The following SMYD4 variants were observed in gnomAD, a reference collection of about 807,000 sequenced individuals.
SMYD4 encodes protein-lysine N-methyltransferase SMYD4.
SMYD4 carries 68 observed loss-of-function variants against 72.8 expected under a neutral mutation model. That is an observed-to-expected ratio of 0.93 (90% confidence interval 0.77 to 1.14). The LOEUF (loss-of-function observed/expected upper bound fraction) is 1.14. Ranked by LOEUF, SMYD4 falls within the 50% of genes most tolerant of loss-of-function variation. The probability of loss-of-function intolerance (pLI) is 0.00; values close to 1 mark genes in which losing one functional copy is unlikely to be tolerated. For synonymous variants in SMYD4, 407 were observed against 388.6 expected (o/e 1.05, Z -0.56); for missense variants, 984 against 1,003.7 (o/e 0.98, Z 0.27).
At chr17:1,820,238 T>C (rs1039636977) in intron 2 of SMYD4, among the ~76,000 whole-genome samples, 1 of 152,172 alleles carries the variant, frequency 6.6e-6, no homozygotes, top group Non-Finnish European at 1.5e-5. Context: ...CTGGTTCCTA[T>C]GTTCTTTTTT....
rs2151261441 is a variant in SMYD4 at position 1,829,800 on chromosome 17, T to C, written c.-87A>G. ...ACGCGCCCGGAACTGCGCCCTGGTC[T>C]CCCTCCCAGCGCCCGCGCAGCTCCT... On this transcript the variant is annotated 5_prime_UTR_variant, in exon 1 of 11. Coordinates refer to ENST00000305513, the MANE Select transcript of SMYD4 (RefSeq NM_052928.3). 8.2e-6 allele frequency: 2 copies of C among 244,572 alleles called. No individual in the cohort carries two copies. The highest frequency in any genetic ancestry group is 1.7e-4 in the East Asian group (2 of 11,552). The allele number at this position is 244,572 out of a possible 1,614,324, so 15.2% of individuals were successfully genotyped here. A position where few individuals can be genotyped will look rare whatever the true frequency, so the allele number is the denominator to read the frequency against.
intron 7 of SMYD4, among the ~76,000 whole-genome samples, chr17:1,784,818 G>A (rs1908566111): frequency 6.6e-6 from 1 of 151,928 alleles, no homozygotes; most frequent in African/African-American, 2.4e-5. Flanking sequence ...TCTCCAGGCT[G>A]GAGTGCAGTG....
At chr17:1,786,222 G>T (rs940492338) in intron 7 of SMYD4, among the ~76,000 whole-genome samples, 8 of 152,196 alleles carry the variant, frequency 5.3e-5, no homozygotes, top group African/African-American at 1.9e-4. Context: ...TCCTTGGCAG[G>T]AAATCCGCAG....
At chr17:1,818,617 TCTCTTTAGC>T (rs1910749359) in intron 2 of SMYD4, among the ~76,000 whole-genome samples, 1 of 152,170 alleles carries the variant, frequency 6.6e-6, no homozygotes, top group Non-Finnish European at 1.5e-5. Flanking sequence ...TTTAGTTATT[TCTCTTTAGC>T]CTCTTTTTAG....
intron 4 of SMYD4, among the ~76,000 whole-genome samples, chr17:1,801,490 T>C (rs1909751078): frequency 6.6e-6 from 1 of 151,492 alleles, no homozygotes; most frequent in African/African-American, 2.4e-5. Flanking sequence ...TACGCCCGCC[T>C]CAGCCTCCCA....
At chr17:1,828,111 G>A in intron 1 of SMYD4, 105 bp from the exon 2 acceptor site, 2 of 1,144,952 alleles carry the variant, frequency 1.7e-6, no homozygotes, top group Non-Finnish European at 2.5e-6. Context: ...AGCACTTTGG[G>A]AAGCCGAGGT....
At chr17:1,827,006 A>G (rs1430643995) in intron 2 of SMYD4, among the ~76,000 whole-genome samples, 1 of 151,974 alleles carries the variant, frequency 6.6e-6, no homozygotes, top group Non-Finnish European at 1.5e-5. Flanking sequence ...CAAAAATGTG[A>G]GCTGGGCATG....
chr17:1,780,458 C>A lies in SMYD4; in HGVS notation c.*828G>T, dbSNP rs2151215815. 1 of 151,984 alleles carries A rather than the reference C, an allele frequency of 6.6e-6. No individual in the cohort carries two copies. Among genetic ancestry groups the A allele is most frequent in the Middle Eastern group, 3.4e-3 (1 of 294 alleles). 9.4% of individuals were successfully genotyped at this position (151,984 alleles called of 1,614,324 possible). A position where few individuals can be genotyped will look rare whatever the true frequency, so the allele number is the denominator to read the frequency against. On this transcript the variant is annotated 3_prime_UTR_variant, in exon 11 of 11. Coordinates refer to ENST00000305513, the MANE Select transcript of SMYD4 (RefSeq NM_052928.3). Reference sequence around the variant, plus strand: ...TTTTGAACTCCTGGGCTCAAGTGATCCTCCCACCTCAGCGTCTCAAAGTAC... The same window carrying A: ...TTTTGAACTCCTGGGCTCAAGTGATACTCCCACCTCAGCGTCTCAAAGTAC...
At chr17:1,813,591 T>A (rs1049588272) in intron 2 of SMYD4, among the ~76,000 whole-genome samples, 3 of 152,074 alleles carry the variant, frequency 2.0e-5, no homozygotes, top group Non-Finnish European at 4.4e-5. Flanking sequence ...ATTTTTTGTA[T>A]ATTTAGTAGA....
chr17:1,783,268 G>A, intron 9 of SMYD4, 92 bp downstream of exon 9: 2 of 1,610,556 alleles, frequency 1.2e-6, no homozygotes. Flanking sequence ...AGTTTACAGA[G>A]CGGGGGGTAA....
intron 4 of SMYD4, among the ~76,000 whole-genome samples, chr17:1,801,934 C>G (rs1413385377): frequency 6.6e-6 from 1 of 152,040 alleles, no homozygotes; most frequent in Non-Finnish European, 1.5e-5. Context: ...CGAGATCATG[C>G]CACTGAACTC....
Position 1,812,055 on chromosome 17 carries a change from C to A in SMYD4, c.195G>T (p.Ser65=), listed in dbSNP as rs777378568. 1 of 1,614,050 alleles carries A rather than the reference C, an allele frequency of 6.2e-7. No homozygotes were observed. The highest frequency in any genetic ancestry group is 2.2e-5 in the East Asian group (1 of 44,878). ...LSKGYLVGKD[S]DAPLFYREEG... ...CTTCTCTGTAGAAAAGAGGAGCGTC[C>A]GAGTCCTTTCCCACCAAGTAACCTT... Residue 65 remains serine (S), a synonymous_variant, in exon 3 of 11, where the codon TCG becomes TCT. Transcript: ENST00000305513.
intron 3 of SMYD4, among the ~76,000 whole-genome samples, chr17:1,810,272 G>T (rs1910260967): frequency 6.6e-6 from 1 of 151,962 alleles, no homozygotes; most frequent in Non-Finnish European, 1.5e-5. Flanking sequence ...AAGAAATTCA[G>T]AACACATAAA....
chr17:1,799,642 G>C (rs1909598296), intron 5 of SMYD4, among the ~76,000 whole-genome samples: 1 of 152,018 alleles, frequency 6.6e-6, no homozygotes, highest in Admixed American at 6.6e-5. Flanking sequence ...CCAAAGTGCT[G>C]GGATTATAGG....
intron 10 of SMYD4, chr17:1,782,478 C>CAAA (rs34006259): frequency 2.4e-5 from 3 of 123,480 alleles, no homozygotes; most frequent in South Asian, 2.6e-4. Context: ...GACCCCTTCT[C>CAAA]AAAAAAAAAA....
chr17:1,787,115 A>G, intron 6 of SMYD4, 142 bp from the exon 7 acceptor site: 3 of 1,147,580 alleles, frequency 2.6e-6, no homozygotes, highest in Non-Finnish European at 3.6e-6. Flanking sequence ...GGAACTGGAT[A>G]CTAAAATAAG....
chr17:1,781,563 A>T, intron 10 of SMYD4, 124 bp from the exon 11 acceptor site: 3 of 1,147,042 alleles, frequency 2.6e-6, no homozygotes, highest in Non-Finnish European at 1.2e-6. Context: ...TACAATCTAG[A>T]ACAGTAAGTA....
chr17:1,809,738 C>T (rs1172152645), intron 3 of SMYD4, among the ~76,000 whole-genome samples: 3 of 151,130 alleles, frequency 2.0e-5, no homozygotes, highest in East Asian at 3.9e-4. Flanking sequence ...GGCGCGATCT[C>T]GGCTCACTGC....
Position 1,800,833 on chromosome 17 carries a change from C to A in SMYD4, c.561G>T (p.Leu187=), listed in dbSNP as rs756183034. ...PALADVLPQT[L]QRNLHRLKMK... ...TTTTCAGACGATGGAGGTTTCTCTG[C>A]AGAGTCTGAGGGAGGACATCTGCTA... is the stretch of plus-strand genomic sequence containing the variant. Residue 187 remains leucine, a synonymous_variant, in exon 5 of 11, where the codon CTG becomes CTT. Coordinates refer to ENST00000305513, the MANE Select transcript of SMYD4 (RefSeq NM_052928.3). 2 of 1,614,062 alleles carry A rather than the reference C, an allele frequency of 1.2e-6. No individual in the cohort carries two copies. The highest frequency in any genetic ancestry group is 1.7e-6 in the Non-Finnish European group (2 of 1,180,046).
Sources: gnomAD v4.1 joint callset for allele counts (sites outside exome capture counted in the v4.1 genomes callset) on GRCh38, gnomAD v4.1.1 for gene constraint, MANE v1.5 for transcripts, NCBI Gene and HGNC (gene_info 2026-07-23, HGNC 2026-07-21) for gene names.